Variants in RBPMS observed in about 807,000 individuals in gnomAD.
RBPMS encodes RNA binding protein, mRNA processing factor.
In RBPMS, 7 loss-of-function variants were observed where a neutral mutation model predicts 26.8. That is an observed-to-expected ratio of 0.26 (90% CI 0.15 to 0.49). The LOEUF (loss-of-function observed/expected upper bound fraction) is 0.49. RBPMS is among the 20% of genes least tolerant of loss of function. The pLI is 0.98. For synonymous variants in RBPMS, 96 were observed against 93.3 expected (o/e 1.03, Z -0.17); for missense variants, 186 against 250.0 (o/e 0.74, Z 1.73).
intron 6 of RBPMS, 39 bp from the exon 7 acceptor site, chr8:30,558,848 G>A (rs1341290329): frequency 1.3e-6 from 2 of 1,566,050 alleles, no homozygotes; most frequent in East Asian, 2.2e-5. Context: ...GGATATGCTG[G>A]GGAGCCCTGG....
At chr8:30,530,716 C>T (rs1824121942) in intron 5 of RBPMS, among the ~76,000 whole-genome samples, 1 of 152,208 alleles carries the variant, frequency 6.6e-6, no homozygotes, top group African/African-American at 2.4e-5. Context: ...CCTGCCTCGG[C>T]CTCCCAAAAT....
rs929497585 is a variant in RBPMS at position 30,571,169 on chromosome 8, G to C, written c.*644G>C. The C allele has an allele frequency of 2.6e-5, 4 of 151,218 alleles. No individual in the cohort carries two copies. The highest frequency in any genetic ancestry group is 9.9e-5 in the African/African-American group (4 of 40,534). 9.4% of individuals were successfully genotyped at this position (151,218 alleles called of 1,614,324 possible). A position where few individuals can be genotyped will look rare whatever the true frequency, so the allele number is the denominator to read the frequency against. ...TGTTAGGTCTAGGATCCCAGTTCTA[G>C]TAGGACAGCCCTGCAAGACAATCAA... On this transcript the variant is annotated 3_prime_UTR_variant, in exon 9 of 9. Coordinates refer to ENST00000397323, the MANE Select transcript of RBPMS (RefSeq NM_001008710.3).
In RBPMS at chr8:30,544,738, C is replaced by T. The variant is rs1376463196; in HGVS notation, c.528+114C>T. ...CCTATCCAGCTAACAGATCCACCCT[C>T]AAGAGATTAATGATCCCCTCTAAAT... On this transcript the variant is annotated intron_variant, in intron 6 of 8. Transcript: ENST00000397323. The T allele has an allele frequency of 1.9e-6, 3 of 1,600,878 alleles. No homozygotes were observed. The South Asian group carries it at 3.3e-5, about 18-fold the overall frequency.
At chr8:30,446,836 TGTGTGTGCGC>T (rs747279679) in intron 1 of RBPMS, 6,902 of 104,976 alleles carry the variant, frequency 0.066, 269 homozygotes, top group Admixed American at 0.089. Context: ...TGTGTGTGTG[TGTGTGTGCGC>T]GCGCGCGCGC....
chr8:30,490,999 G>A (rs1397686582), intron 4 of RBPMS, among the ~76,000 whole-genome samples: 1 of 152,164 alleles, frequency 6.6e-6, no homozygotes, highest in Non-Finnish European at 1.5e-5. Flanking sequence ...TTCTTGGTTG[G>A]AAGGAGGTTG....
intron 5 of RBPMS, among the ~76,000 whole-genome samples, chr8:30,529,857 G>A (rs1824021223): frequency 6.6e-6 from 1 of 151,554 alleles, no homozygotes; most frequent in Non-Finnish European, 1.5e-5. Context: ...AGGTTCAAGC[G>A]ATTCTGCTGC....
intron 4 of RBPMS, among the ~76,000 whole-genome samples, chr8:30,482,293 C>G (rs1818359417): frequency 6.6e-6 from 1 of 152,144 alleles, no homozygotes; most frequent in South Asian, 2.1e-4. Flanking sequence ...TCTTACTTAC[C>G]TTTGGAGAGA....
Position 30,545,032 on chromosome 8 carries a change from G to T in RBPMS, c.528+408G>T, listed in dbSNP as rs1034450223. ...TATGTGCGTCTGTGCGTGTTTCTGT[G>T]TGTTGAGAGTTTTCCACTCTCGTGT... On this transcript the variant is annotated intron_variant, in intron 6 of 8. Transcript: ENST00000397323. 2.1e-6 allele frequency: 3 copies of T among 1,417,656 alleles called. No individual in the cohort carries two copies. The African/African-American group carries it at 4.3e-5, about 20-fold the overall frequency. 87.8% of individuals were successfully genotyped at this position (1,417,656 alleles called of 1,614,324 possible).
intron 4 of RBPMS, among the ~76,000 whole-genome samples, chr8:30,491,986 G>A (rs899254890): frequency 6.6e-6 from 1 of 152,080 alleles, no homozygotes; most frequent in East Asian, 1.9e-4. Flanking sequence ...CGGCCTCCAC[G>A]ATTCAGGCAA....
chr8:30,390,952 G>A (rs759398760), intron 1 of RBPMS, among the ~76,000 whole-genome samples: 22 of 152,312 alleles, frequency 1.4e-4, no homozygotes, highest in East Asian at 1.9e-4. Context: ...GCAGCCACTC[G>A]TTTAATATTG....
chr8:30,477,244 G>A (rs1817797476), intron 2 of RBPMS, among the ~76,000 whole-genome samples: 1 of 152,110 alleles, frequency 6.6e-6, no homozygotes, highest in Admixed American at 6.5e-5. Flanking sequence ...TAGTAGAGAT[G>A]GGGTTTCACC....
At chr8:30,476,680 C>T (rs1334561453) in intron 2 of RBPMS, among the ~76,000 whole-genome samples, 5 of 152,154 alleles carry the variant, frequency 3.3e-5, no homozygotes, top group Admixed American at 2.6e-4. Context: ...GGAGGCTGAC[C>T]CTAGTCTGCA....
chr8:30,429,501 C>A lies in RBPMS; in HGVS notation c.66+44343C>A, dbSNP rs774621696. ...ATGACAGTGTTAGAAGCCTCAACCA[C>A]CCCATCCAGTGATTGATATACATGC... is the stretch of plus-strand genomic sequence containing the variant. On this transcript the variant is annotated intron_variant, in intron 1 of 8. Transcript: ENST00000397323. Among the ~76,000 whole-genome samples the A allele has an allele frequency of 6.4e-4, 97 of 152,202 alleles. 2 individuals carry two copies. Among genetic ancestry groups the A allele is most frequent in the Non-Finnish European group, 3.8e-4 (26 of 68,036 alleles).
At chr8:30,530,018 G>A (rs1333206429) in intron 5 of RBPMS, among the ~76,000 whole-genome samples, 1 of 152,016 alleles carries the variant, frequency 6.6e-6, no homozygotes, top group Non-Finnish European at 1.5e-5. Context: ...GCCTCCCAAA[G>A]TGCTGGGATT....
chr8:30,441,729 G>T (rs1459069390), intron 1 of RBPMS, among the ~76,000 whole-genome samples: 1 of 152,168 alleles, frequency 6.6e-6, no homozygotes, highest in Non-Finnish European at 1.5e-5. Flanking sequence ...TTAAAAAGGG[G>T]TAAAGGAATG....
chr8:30,558,910 G>A lies in RBPMS; in HGVS notation c.552G>A (p.Glu184=). The A allele has an allele frequency of 6.2e-7, 1 of 1,614,168 alleles. No homozygotes were observed. Among genetic ancestry groups the A allele is most frequent in the Non-Finnish European group, 8.5e-7 (1 of 1,180,038 alleles). The change falls in exon 7 of 9, where the codon GAG becomes GAA. Residue 184 remains glutamate (E), a synonymous_variant. Coordinates refer to ENST00000397323, the MANE Select transcript of RBPMS (RefSeq NM_001008710.3). ...HAQMRWLPPS[E]ATSQGWKSRQ... is the part of the protein sequence containing the mutation. ...AGATGCGCTGGCTCCCTCCCTCCGA[G>A]GCTACTTCTCAGGGCTGGAAGTCCC...
At chr8:30,385,223 G>T (rs1806876868) in intron 1 of RBPMS, 65 bp downstream of exon 1, 6 of 1,198,718 alleles carry the variant, frequency 5.0e-6, no homozygotes, top group Non-Finnish European at 6.6e-6. Context: ...CCGGCGGGGC[G>T]CGGGCCCGGG....
intron 1 of RBPMS, among the ~76,000 whole-genome samples, chr8:30,452,523 A>T (rs937065427): frequency 3.3e-5 from 5 of 152,040 alleles, no homozygotes; most frequent in African/African-American, 9.7e-5. Flanking sequence ...TATCTCTCCT[A>T]CCTCCACCCC....
chr8:30,445,432 A>G (rs904355778), intron 1 of RBPMS: 3 of 152,092 alleles, frequency 2.0e-5, no homozygotes, highest in African/African-American at 7.2e-5. Context: ...ATAATTCAAA[A>G]GAATTACATC....
Sources: gnomAD v4.1 joint callset for allele counts (sites outside exome capture counted in the v4.1 genomes callset) on GRCh38, gnomAD v4.1.1 for gene constraint, MANE v1.5 for transcripts, NCBI Gene and HGNC (gene_info 2026-07-23, HGNC 2026-07-21) for gene names.